ZNF385D: variants seen among roughly 807,000 people sequenced by gnomAD.
The protein encoded by ZNF385D is zinc finger protein 385D.
In ZNF385D, 15 loss-of-function variants were observed where a neutral mutation model predicts 35.8. The ratio of observed to expected loss-of-function variants is 0.42; its 90% CI spans 0.28 to 0.64. The LOEUF (loss-of-function observed/expected upper bound fraction) is 0.64, where lower values mean the gene tolerates loss of function less well. ZNF385D is among the 30% of genes least tolerant of loss of function. The probability of loss-of-function intolerance (pLI) is 0.23; values close to 1 mark genes in which losing one functional copy is unlikely to be tolerated. For missense variants in ZNF385D, 474 were observed against 494.6 expected (o/e 0.96, Z 0.39); for synonymous variants, 212 against 186.8 (o/e 1.13, Z -1.10).
chr3:21,785,498 T>C (rs141488544), intron 3 of ZNF385D, among the ~76,000 whole-genome samples: 18 of 152,296 alleles, frequency 1.2e-4, no homozygotes, highest in Non-Finnish European at 2.6e-4. Flanking sequence ...GTGTTGTGCA[T>C]TCGATGTCCA....
chr3:22,027,877 G>T (rs1343445658), intron 3 of ZNF385D, among the ~76,000 whole-genome samples: 1 of 152,152 alleles, frequency 6.6e-6, no homozygotes, highest in Non-Finnish European at 1.5e-5. Context: ...CTAGGGCCTG[G>T]TTCACAGATG....
chr3:22,097,449 AGTT>A, intron 3 of ZNF385D, among the ~76,000 whole-genome samples: 1 of 152,162 alleles, frequency 6.6e-6, no homozygotes, highest in Middle Eastern at 3.4e-3. Context: ...ATGATAAAGA[AGTT>A]GTTATTGGAA....
In ZNF385D at chr3:21,510,932, G is replaced by A. The variant is rs759497178; in HGVS notation, c.368C>T (p.Ala123Val). ...GAAGGTAGTCTTTGCGCTGTCCTTG[G>A]CAGTTACAGATTTCTGCTTATTTTT... The part of the protein sequence containing the change: ...AMKNKQKSVT[A>V]KDSAKTTFTS... The change falls in exon 4 of 8, where the codon GCC (alanine) becomes GTC (valine). Residue 123 changes from alanine to valine, a missense_variant. By Grantham distance (64) the Ala-to-Val change is moderately conservative. Transcript: ENST00000281523. 3.1e-5 allele frequency: 50 copies of A among 1,614,098 alleles called. No individual in the cohort carries two copies. The highest frequency in any genetic ancestry group is 4.2e-5 in the Non-Finnish European group (50 of 1,180,002).
chr3:21,866,310 T>C (rs1243394291), intron 3 of ZNF385D, among the ~76,000 whole-genome samples: 1 of 151,894 alleles, frequency 6.6e-6, no homozygotes, highest in East Asian at 1.9e-4. Flanking sequence ...AAAAATTAGC[T>C]GGGCATGGTG....
chr3:21,497,477 A>G (rs1705994571), intron 4 of ZNF385D, among the ~76,000 whole-genome samples: 1 of 152,220 alleles, frequency 6.6e-6, no homozygotes, highest in South Asian at 2.1e-4. Flanking sequence ...TGCCCAAAAC[A>G]ATTGATAGAT....
At chr3:21,836,591 T>G (rs1213435459) in intron 3 of ZNF385D, among the ~76,000 whole-genome samples, 1 of 152,100 alleles carries the variant, frequency 6.6e-6, no homozygotes, top group Non-Finnish European at 1.5e-5. Flanking sequence ...GTAAGCACGT[T>G]AGACTTGCAC....
At chr3:21,585,773 A>G (rs1041897585) in intron 2 of ZNF385D, among the ~76,000 whole-genome samples, 3 of 152,194 alleles carry the variant, frequency 2.0e-5, no homozygotes, top group Non-Finnish European at 2.9e-5. Flanking sequence ...TTTATCATAT[A>G]AATCCACAAA....
At chr3:21,667,123 A>G (rs2066431403) in intron 1 of ZNF385D, among the ~76,000 whole-genome samples, 1 of 152,142 alleles carries the variant, frequency 6.6e-6, no homozygotes, top group African/African-American at 2.4e-5. Context: ...GAAATCAGTG[A>G]TGTGGTGAAA....
intron 3 of ZNF385D, among the ~76,000 whole-genome samples, chr3:21,874,540 T>C (rs1017732512): frequency 2.6e-5 from 4 of 152,128 alleles, no homozygotes; most frequent in African/African-American, 9.6e-5. Flanking sequence ...ATGTGGGCTT[T>C]CTATTCCTTT....
At chr3:21,763,280 C>T (rs1482377564) in intron 3 of ZNF385D, among the ~76,000 whole-genome samples, 1 of 152,108 alleles carries the variant, frequency 6.6e-6, no homozygotes, top group Non-Finnish European at 1.5e-5. Flanking sequence ...TGTCAGGTCT[C>T]CCCGGAGATA....
At chr3:21,732,030 GTTTTTT>G (rs1214143626) in intron 1 of ZNF385D, among the ~76,000 whole-genome samples, 2 of 37,370 alleles carry the variant, frequency 5.4e-5, no homozygotes, top group East Asian at 8.4e-4. Context: ...TTTTTTCGGG[GTTTTTT>G]TTTTTTTTTT....
intron 3 of ZNF385D, among the ~76,000 whole-genome samples, chr3:22,094,391 T>TAG (rs1701496287): frequency 8.9e-6 from 1 of 111,938 alleles, no homozygotes; most frequent in Non-Finnish European, 2.2e-5. Flanking sequence ...TGTTGATATA[T>TAG]ATATATATAT....
chr3:22,320,597 TA>T (rs1238823237), intron 2 of ZNF385D, among the ~76,000 whole-genome samples: 2 of 150,334 alleles, frequency 1.3e-5, no homozygotes, highest in South Asian at 2.1e-4. Flanking sequence ...TAACAGGAAC[TA>T]AAGTTTTACT....
At chr3:21,698,051 A>T (rs1368348931) in intron 1 of ZNF385D, among the ~76,000 whole-genome samples, 1 of 152,192 alleles carries the variant, frequency 6.6e-6, no homozygotes, top group Non-Finnish European at 1.5e-5. Context: ...CTTCTCAAAA[A>T]AGTAAAGGTA....
chr3:21,519,803 C>T (rs1486542664), intron 3 of ZNF385D, among the ~76,000 whole-genome samples: 1 of 152,170 alleles, frequency 6.6e-6, no homozygotes. Context: ...TACAAAATCC[C>T]TTCAGAATGC....
intron 2 of ZNF385D, among the ~76,000 whole-genome samples, chr3:21,650,058 T>A (rs1004736028): frequency 2.7e-5 from 4 of 150,860 alleles, no homozygotes; most frequent in Non-Finnish European, 5.9e-5. Flanking sequence ...AAAAAAAAAA[T>A]TACAAACATT....
chr3:21,688,094 TCTATTATTTTTGGTGTCTCTA>T (rs1010261675), intron 1 of ZNF385D, among the ~76,000 whole-genome samples: 1 of 152,050 alleles, frequency 6.6e-6, no homozygotes, highest in East Asian at 1.9e-4. Flanking sequence ...ATAACTCACC[TCTATTATTTTTGGTGTCTCTA>T]CTATTATTTT....
chr3:21,833,487 A>G (rs898607947), intron 3 of ZNF385D, among the ~76,000 whole-genome samples: 4 of 152,170 alleles, frequency 2.6e-5, no homozygotes, highest in Non-Finnish European at 5.9e-5. Context: ...GTCAACAGTC[A>G]TCAGAATCTA....
At chr3:22,186,166 T>C (rs546336033) in intron 2 of ZNF385D, among the ~76,000 whole-genome samples, 2 of 152,288 alleles carry the variant, frequency 1.3e-5, no homozygotes, top group Admixed American at 1.3e-4. Flanking sequence ...AGTGAGGTTT[T>C]TCTTTAGGAA....
Sources: allele counts gnomAD v4.1 joint callset (sites outside exome capture counted in the v4.1 genomes callset), GRCh38; gene constraint gnomAD v4.1.1; transcripts MANE v1.5; gene names NCBI Gene and HGNC (gene_info 2026-07-23, HGNC 2026-07-21).